The following ZC3H12C variants were observed in gnomAD, a reference collection of about 807,000 sequenced individuals.
The protein encoded by ZC3H12C is zinc finger CCCH-type containing 12C, also known as probable ribonuclease ZC3H12C.
A neutral mutation model predicts 76.3 loss-of-function variants in ZC3H12C; 20 were observed. The observed-to-expected ratio is 0.26, with a 90% CI of 0.18 to 0.38. The LOEUF (loss-of-function observed/expected upper bound fraction) is 0.38. ZC3H12C is among the 10% of genes least tolerant of loss of function. The probability of loss-of-function intolerance (pLI) is 1.00; values close to 1 mark genes in which losing one functional copy is unlikely to be tolerated. For synonymous variants in ZC3H12C, 352 were observed against 399.6 expected (o/e 0.88, Z 1.42); for missense variants, 874 against 1,086.5 (o/e 0.80, Z 2.75).
intron 2 of ZC3H12C, among the ~76,000 whole-genome samples, chr11:110,141,543 T>C (rs1450935864): frequency 6.6e-6 from 1 of 152,204 alleles, no homozygotes. Flanking sequence ...CTGGTTATCA[T>C]TTAAGTACAG....
rs554930913 is a variant in ZC3H12C, at chr11:110,161,414, GT to G, written c.1149-1858del. On this transcript the variant is annotated intron_variant, in intron 4 of 5. Transcript: ENST00000278590. ...ATGTAAGACTCTGGTCATGATCAGAGTCTAAAAGTTGATGAATGAACGAATG... is the reference window on the plus strand; with the variant it reads ...ATGTAAGACTCTGGTCATGATCAGAGCTAAAAGTTGATGAATGAACGAATG... Among the ~76,000 whole-genome samples the G allele has an allele frequency of 4.3e-3, 648 of 152,302 alleles. 6 individuals are homozygous for G. The highest frequency in any genetic ancestry group is 0.014 in the African/African-American group (595 of 41,556).
intron 2 of ZC3H12C, among the ~76,000 whole-genome samples, chr11:110,142,408 A>AAT (rs1862082447): frequency 6.6e-6 from 1 of 152,140 alleles, no homozygotes; most frequent in Admixed American, 6.5e-5. Context: ...AGTTATACAA[A>AAT]ATGGGGAAAA....
rs535768547 is a variant in ZC3H12C at position 110,124,605 on chromosome 11, C to T, written c.22-12058C>T. ...CTTTATGGAAAAAATAAGTCTTGAG[C>T]TGGGCTTAGAACAATAGATAAGAAC... On this transcript the variant is annotated intron_variant, in intron 1 of 5. Coordinates refer to ENST00000278590, the MANE Select transcript of ZC3H12C (RefSeq NM_033390.2). Among the ~76,000 whole-genome samples the T allele has an allele frequency of 4.6e-5, 7 of 152,274 alleles. No individual in the cohort carries two copies. In the East Asian group the frequency reaches 1.4e-3, roughly 29 times the overall value.
At chr11:110,142,062 G>T (rs191035863) in intron 2 of ZC3H12C, among the ~76,000 whole-genome samples, 2 of 152,062 alleles carry the variant, frequency 1.3e-5, no homozygotes, top group Admixed American at 6.5e-5. Context: ...ACTTCATTTG[G>T]CAGTGCCCCA....
chr11:110,110,652 T>C (rs1356172987), intron 1 of ZC3H12C, among the ~76,000 whole-genome samples: 1 of 152,206 alleles, frequency 6.6e-6, no homozygotes, highest in African/African-American at 2.4e-5. Flanking sequence ...AGACAACTAA[T>C]GCATCAAATC....
At chr11:110,153,179 C>CT in intron 3 of ZC3H12C, 121 bp downstream of exon 3, 1 of 1,272,652 alleles carries the variant, frequency 7.9e-7, no homozygotes, top group Non-Finnish European at 1.1e-6. Context: ...GGGACACAAA[C>CT]GTTGTTTTTT....
chr11:110,098,109 G>A (rs1234380909), intron 1 of ZC3H12C, among the ~76,000 whole-genome samples: 4 of 152,286 alleles, frequency 2.6e-5, no homozygotes, highest in East Asian at 1.9e-4. Context: ...TGACAGTGCC[G>A]TGCCTGTTAC....
At chr11:110,150,580 C>T (rs55652044) in intron 2 of ZC3H12C, among the ~76,000 whole-genome samples, 31,001 of 151,934 alleles carry the variant, frequency 0.2, 3,201 homozygotes, top group Middle Eastern at 0.29. Context: ...GAAATCTGTT[C>T]TATGACCTAG....
chr11:110,124,900 ATAAAT>A (rs1157375261), intron 1 of ZC3H12C, among the ~76,000 whole-genome samples: 2 of 152,002 alleles, frequency 1.3e-5, no homozygotes, highest in Non-Finnish European at 2.9e-5. Flanking sequence ...AAGGAAGGAG[ATAAAT>A]TAAGATAATC....
At chr11:110,142,431 C>A (rs1382382993) in intron 2 of ZC3H12C, among the ~76,000 whole-genome samples, 1 of 152,124 alleles carries the variant, frequency 6.6e-6, no homozygotes, top group African/African-American at 2.4e-5. Flanking sequence ...TGATTAGAGT[C>A]CATGTTTTCT....
chr11:110,126,927 T>TA (rs1174570108), intron 1 of ZC3H12C, among the ~76,000 whole-genome samples: 34 of 152,372 alleles, frequency 2.2e-4, no homozygotes, highest in African/African-American at 7.7e-4. Context: ...ATTTTAAACA[T>TA]ATGATCTTGA....
intron 4 of ZC3H12C, among the ~76,000 whole-genome samples, chr11:110,160,799 T>C (rs1862465726): frequency 6.6e-6 from 1 of 152,224 alleles, no homozygotes; most frequent in Non-Finnish European, 1.5e-5. Flanking sequence ...ATAGTAACTA[T>C]ATAAACCAGT....
intron 2 of ZC3H12C, among the ~76,000 whole-genome samples, chr11:110,141,698 G>A (rs1862070389): frequency 6.6e-6 from 1 of 152,160 alleles, no homozygotes; most frequent in Admixed American, 6.5e-5. Context: ...ACGTGCAGTA[G>A]ACCTGCATGA....
chr11:110,132,206 T>C (rs965940827), intron 1 of ZC3H12C, among the ~76,000 whole-genome samples: 2 of 152,106 alleles, frequency 1.3e-5, no homozygotes, highest in Non-Finnish European at 2.9e-5. Flanking sequence ...CTGATTAATA[T>C]GAGGCTCTTT....
intron 1 of ZC3H12C, among the ~76,000 whole-genome samples, chr11:110,113,374 T>A (rs1861469554): frequency 6.6e-6 from 1 of 152,204 alleles, no homozygotes; most frequent in Non-Finnish European, 1.5e-5. Flanking sequence ...GAAACAAATA[T>A]CCTGAAATAT....
chr11:110,124,643 G>A (rs1861707830), intron 1 of ZC3H12C, among the ~76,000 whole-genome samples: 1 of 152,200 alleles, frequency 6.6e-6, no homozygotes, highest in Non-Finnish European at 1.5e-5. Flanking sequence ...GATAGGTGAG[G>A]CTGTAGTGCA....
intron 1 of ZC3H12C, among the ~76,000 whole-genome samples, chr11:110,128,235 G>C (rs912580136): frequency 6.6e-5 from 10 of 152,000 alleles, no homozygotes; most frequent in African/African-American, 2.2e-4. Flanking sequence ...AAGTGGACTA[G>C]GGCCATGTGA....
chr11:110,101,502 C>A (rs994522423), intron 1 of ZC3H12C, among the ~76,000 whole-genome samples: 1 of 151,486 alleles, frequency 6.6e-6, no homozygotes, highest in Non-Finnish European at 1.5e-5. Context: ...GTTCAGTGTT[C>A]GTCTACCATT....
In ZC3H12C at chr11:110,103,793, T is replaced by C. The variant is rs568454598; in HGVS notation, c.21+10361T>C. ...GCTAATTTTTGTATTTTATTAGAGA[T>C]GGGGTTTCACCGTGTTAGCCAGCAT... On this transcript the variant is annotated intron_variant, in intron 1 of 5. Transcript: ENST00000278590. Among the ~76,000 whole-genome samples, 21 of 151,862 alleles carry C rather than the reference T, an allele frequency of 1.4e-4. 1 individual carries two copies. Among genetic ancestry groups the C allele is most frequent in the Admixed American group, 3.3e-4 (5 of 15,240 alleles).
Sources: allele counts gnomAD v4.1 joint callset (sites outside exome capture counted in the v4.1 genomes callset), GRCh38; gene constraint gnomAD v4.1.1; transcripts MANE v1.5; gene names NCBI Gene and HGNC (gene_info 2026-07-23, HGNC 2026-07-21).